Variants in PSKH2 observed in about 807,000 individuals in gnomAD.
The protein encoded by PSKH2 is serine/threonine-protein kinase H2.
In PSKH2, 16 loss-of-function variants were observed where a neutral mutation model predicts 22.5. The ratio of observed to expected loss-of-function variants is 0.71; its 90% CI spans 0.48 to 1.08. PSKH2 has a LOEUF of 1.08. Among genes scored for constraint, PSKH2 ranks in the 50% least tolerant of loss-of-function variants. The probability of loss-of-function intolerance (pLI) is 0.00; values close to 1 mark genes in which losing one functional copy is unlikely to be tolerated. For missense variants in PSKH2, 516 were observed against 492.8 expected, an observed-to-expected ratio of 1.05 and a Z score of -0.44; for synonymous variants, 188 against 184.8, an observed-to-expected ratio of 1.02 and a Z score of -0.14.
Position 86,069,326 on chromosome 8 carries a change from A to G in PSKH2, c.185+112T>C, listed in dbSNP as rs996942191. On this transcript the variant is annotated intron_variant, in intron 1 of 2. Coordinates refer to ENST00000276616, the MANE Select transcript of PSKH2 (RefSeq NM_033126.3). ...GGGGGAGATCAGTGCCTATCATCCG[A>G]AAGAACCCTGTCCAAAATTGAGTCA... 7 of 1,005,734 alleles carry G rather than the reference A, an allele frequency of 7.0e-6. No individual in the cohort carries two copies. In the Middle Eastern group the frequency reaches 1.1e-3, roughly 162 times the overall value. The allele number at this position is 1,005,734 out of a possible 1,614,324, so 62.3% of individuals were successfully genotyped here.
At chr8:86,049,074 C>A (rs906563696) in intron 2 of PSKH2, among the ~76,000 whole-genome samples, 1 of 152,136 alleles carries the variant, frequency 6.6e-6, no homozygotes, top group Non-Finnish European at 1.5e-5. Flanking sequence ...GTTATCAATA[C>A]GAGTTCCCAT....
intron 2 of PSKH2, among the ~76,000 whole-genome samples, chr8:86,055,871 G>T (rs1234687375): frequency 6.6e-6 from 1 of 152,114 alleles, no homozygotes; most frequent in Non-Finnish European, 1.5e-5. Flanking sequence ...ATCAGCAAAA[G>T]TATTTCCTAA....
chr8:86,051,191 A>G (rs983650865), intron 2 of PSKH2, among the ~76,000 whole-genome samples: 6 of 151,742 alleles, frequency 4.0e-5, no homozygotes, highest in Non-Finnish European at 5.9e-5. Flanking sequence ...TCACTCTCCC[A>G]TGCTGGGAGA....
chr8:86,059,904 CT>C (rs2130159640), intron 2 of PSKH2, among the ~76,000 whole-genome samples: 1 of 152,286 alleles, frequency 6.6e-6, no homozygotes, highest in African/African-American at 2.4e-5. Context: ...GAAAGCTGTC[CT>C]TTTGTGGAAA....
intron 1 of PSKH2, among the ~76,000 whole-genome samples, chr8:86,068,554 A>G (rs1259173128): frequency 6.6e-6 from 1 of 152,216 alleles, no homozygotes; most frequent in Admixed American, 6.5e-5. Context: ...TGCTCACAAC[A>G]GTCTTATGAG....
chr8:86,058,859 A>G (rs996260409), intron 2 of PSKH2, among the ~76,000 whole-genome samples: 2 of 152,190 alleles, frequency 1.3e-5, no homozygotes, highest in African/African-American at 4.8e-5. Flanking sequence ...ATTTAGTATT[A>G]TATTAAACAC....
chr8:86,056,854 A>C (rs1202624749), intron 2 of PSKH2, among the ~76,000 whole-genome samples: 3 of 151,786 alleles, frequency 2.0e-5, no homozygotes, highest in African/African-American at 7.3e-5. Flanking sequence ...CAGTTAGTAA[A>C]TTGCAGAGCT....
At chr8:86,062,097 T>C (rs1374913621) in intron 2 of PSKH2, among the ~76,000 whole-genome samples, 1 of 152,256 alleles carries the variant, frequency 6.6e-6, no homozygotes, top group African/African-American at 2.4e-5. Flanking sequence ...TCTTTTCCCA[T>C]GCAAACGTTT....
intron 2 of PSKH2, among the ~76,000 whole-genome samples, chr8:86,054,556 A>T (rs1213370245): frequency 6.6e-6 from 1 of 152,192 alleles, no homozygotes; most frequent in Non-Finnish European, 1.5e-5. Context: ...TAGATATTTA[A>T]TATTTTTATT....
In PSKH2 at chr8:86,064,372, G is replaced by C. The variant is rs765381447; in HGVS notation, c.445C>G (p.Leu149Val). The change falls in exon 2 of 3, where the codon CTC (leucine) becomes GTC (valine). Residue 149 changes from leucine to valine, a missense_variant. Leu to Val is a conservative substitution (Grantham distance 32). Transcript: ENST00000276616. ...TCTGTAAAGGATCCCTGAGCAATGAGTCGATCAAAGAGCTCCCCTCCGGTA... is the reference window on the plus strand; with the variant it reads ...TCTGTAAAGGATCCCTGAGCAATGACTCGATCAAAGAGCTCCCCTCCGGTA... ...LATGGELFDR[L>V]IAQGSFTERD... 1 of 1,614,138 alleles carries C rather than the reference G, an allele frequency of 6.2e-7. No homozygotes were observed. The highest frequency in any genetic ancestry group is 1.7e-5 in the Admixed American group (1 of 60,006).
intron 2 of PSKH2, among the ~76,000 whole-genome samples, chr8:86,055,999 T>C (rs1817693994): frequency 6.6e-6 from 1 of 151,808 alleles, no homozygotes; most frequent in Non-Finnish European, 1.5e-5. Context: ...TGTGTGTGTG[T>C]GTGTTTAGGC....
Position 86,048,534 on chromosome 8 carries a change from A to T in PSKH2, c.1086T>A (p.Ser362=). 1 of 1,614,106 alleles carries T rather than the reference A, an allele frequency of 6.2e-7. No individual in the cohort carries two copies. The highest frequency in any genetic ancestry group is 1.3e-5 in the African/African-American group (1 of 75,054). ...GSAQSSKSHY[S]HKSRHMWSKR... ...TGCTCCACATATGCCTGGATTTGTG[A>T]GAATAATGTGACTTAGAAGACTGTG... Residue 362 remains serine, a synonymous_variant, in exon 3 of 3, where the codon TCT becomes TCA. Transcript: ENST00000276616.
chr8:86,061,509 G>A (rs1817777364), intron 2 of PSKH2, among the ~76,000 whole-genome samples: 1 of 152,034 alleles, frequency 6.6e-6, no homozygotes, highest in Non-Finnish European at 1.5e-5. Context: ...ATGCAGACAT[G>A]GAGCTGTGCT....
Position 86,049,686 on chromosome 8 carries a change from GAAA to G in PSKH2, c.853-922_853-920del, listed in dbSNP as rs1586056059. 1.0e-3 allele frequency among the ~76,000 whole-genome samples: 10 copies of G among 9,590 alleles called. No homozygotes were observed. In the East Asian group the frequency reaches 0.025, roughly 24 times the overall value. 6.3% of individuals were successfully genotyped at this position (9,590 alleles called of 152,430 possible). On this transcript the variant is annotated intron_variant, in intron 2 of 2. Coordinates refer to ENST00000276616, the MANE Select transcript of PSKH2 (RefSeq NM_033126.3). ...GAAAGAGTGAGAAAGAAGAAAGAAA[GAAA>G]GAAAGAAAGAAAGAAAGAAAGAAAG...
In PSKH2 at chr8:86,047,373, A is replaced by G. The variant is rs941169308; in HGVS notation, c.*1089T>C. 6.6e-6 allele frequency among the ~76,000 whole-genome samples: 1 copy of G among 152,154 alleles called. No individual in the cohort carries two copies. The highest frequency in any genetic ancestry group is 2.1e-4 in the South Asian group (1 of 4,832). On this transcript the variant is annotated 3_prime_UTR_variant, in exon 3 of 3. Transcript: ENST00000276616. ...ACTAATTACATATTCTTATCTATAT[A>G]TCAGATATATAGCTGTTCCATCTAT...
chr8:86,062,531 C>T (rs1817794621), intron 2 of PSKH2, among the ~76,000 whole-genome samples: 1 of 152,200 alleles, frequency 6.6e-6, no homozygotes, highest in East Asian at 1.9e-4. Context: ...GGGCAGTTTC[C>T]CCACGTTGTT....
At chr8:86,049,664 AGAGT>A (rs1403110043) in intron 2 of PSKH2, among the ~76,000 whole-genome samples, 32 of 145,966 alleles carry the variant, frequency 2.2e-4, no homozygotes, top group African/African-American at 7.8e-4. Context: ...AGAGAGAGAA[AGAGT>A]GAGAAAGAAG....
At chr8:86,051,526 A>G (rs1038782675) in intron 2 of PSKH2, among the ~76,000 whole-genome samples, 16 of 152,228 alleles carry the variant, frequency 1.1e-4, no homozygotes, top group Non-Finnish European at 1.6e-4. Context: ...TCTGACAAAT[A>G]CTCAAACACA....
intron 2 of PSKH2, among the ~76,000 whole-genome samples, chr8:86,050,073 G>T (rs969443174): frequency 3.9e-5 from 6 of 152,174 alleles, no homozygotes. Flanking sequence ...CTATTTCAGG[G>T]ATTTATAGTG....
Sources: allele counts gnomAD v4.1 joint callset (sites outside exome capture counted in the v4.1 genomes callset), GRCh38; gene constraint gnomAD v4.1.1; transcripts MANE v1.5; gene names NCBI Gene and HGNC (gene_info 2026-07-23, HGNC 2026-07-21).